ADGRA1: variants seen among roughly 807,000 people sequenced by gnomAD.
ADGRA1 encodes adhesion G protein-coupled receptor A1.
ADGRA1 carries 12 observed loss-of-function variants against 21.3 expected under a neutral mutation model. The ratio of observed to expected loss-of-function variants is 0.56; its 90% CI spans 0.36 to 0.91. The LOEUF (loss-of-function observed/expected upper bound fraction) is 0.91, where lower values mean the gene tolerates loss of function less well. ADGRA1 is among the 40% of genes least tolerant of loss of function. The pLI is 0.01. For synonymous variants in ADGRA1, 385 were observed against 368.8 expected (o/e 1.04, Z -0.50); for missense variants, 790 against 805.6 (o/e 0.98, Z 0.23).
chr10:133,088,818 T>G lies in ADGRA1; in HGVS notation c.-92T>G. 4 of 1,234,562 alleles carry G rather than the reference T, an allele frequency of 3.2e-6. No homozygotes were observed. The highest frequency in any genetic ancestry group is 4.0e-6 in the Non-Finnish European group (4 of 987,928). 76.5% of individuals were successfully genotyped at this position (1,234,562 alleles called of 1,614,324 possible). On this transcript the variant is annotated 5_prime_UTR_variant, in exon 2 of 7. It removes an upstream start codon present in the reference 5' UTR. Coordinates refer to ENST00000392607, the MANE Select transcript of ADGRA1 (RefSeq NM_001083909.3). ...TGGGACTTTGACCTTCCAGAGGCCA[T>G]GGAGGCTGGCGGGGAGCAGGGCGCC...
intron 6 of ADGRA1, 49 bp from the exon 7 acceptor site, chr10:133,128,280 A>T (rs1852420951): frequency 7.1e-7 from 1 of 1,412,232 alleles, no homozygotes; most frequent in Non-Finnish European, 9.4e-7. Context: ...GGGCGTCCTG[A>T]GTCCTGGCCG....
intron 5 of ADGRA1, among the ~76,000 whole-genome samples, chr10:133,116,509 G>C (rs1207200979): frequency 6.6e-6 from 1 of 150,442 alleles, no homozygotes; most frequent in South Asian, 2.1e-4. Flanking sequence ...CCTGGGCCCT[G>C]CCCAAACCCT....
chr10:133,105,253 G>A (rs574806844), intron 5 of ADGRA1, among the ~76,000 whole-genome samples: 6 of 152,178 alleles, frequency 3.9e-5, no homozygotes, highest in Admixed American at 2.6e-4. Context: ...ACTTCCTGCC[G>A]GACCCTCCGC....
intron 5 of ADGRA1, among the ~76,000 whole-genome samples, chr10:133,112,734 T>C (rs1315025962): frequency 1.4e-5 from 2 of 146,810 alleles, no homozygotes; most frequent in Admixed American, 6.8e-5. Flanking sequence ...CGTCGGTTAT[T>C]TGAGGTCTGC....
intron 2 of ADGRA1, 46 bp downstream of exon 2, chr10:133,088,958 C>T: frequency 1.6e-6 from 2 of 1,237,108 alleles, no homozygotes; most frequent in Non-Finnish European, 2.0e-6. Context: ...GGCTAGGCCG[C>T]TGCGGGGGGG....
Position 133,128,813 on chromosome 10 carries a change from C to T in ADGRA1, c.985C>T (p.Pro329Ser). The change falls in exon 7 of 7, where the codon CCC becomes TCC. Residue 329 changes from proline to serine, a missense_variant. This residue lies in a region of ADGRA1 where 391 missense variants were observed against 351.5 expected (regional missense o/e 1.11). Coordinates refer to ENST00000392607, the MANE Select transcript of ADGRA1 (RefSeq NM_001083909.3). ...ACCPPRKDAH[P>S]ALDANGAALG... ...CTGCCCGCCCCGCAAGGACGCCCAC[C>T]CCGCACTTGACGCCAACGGGGCCGC... 1 of 1,606,356 alleles carries T rather than the reference C, an allele frequency of 6.2e-7. No homozygotes were observed. Among genetic ancestry groups the T allele is most frequent in the Non-Finnish European group, 8.5e-7 (1 of 1,177,326 alleles).
chr10:133,127,294 A>G lies in ADGRA1; in HGVS notation c.463A>G (p.Ile155Val). 6.2e-7 allele frequency: 1 copy of G among 1,600,002 alleles called. No individual in the cohort carries two copies. Among genetic ancestry groups the G allele is most frequent in the South Asian group, 1.1e-5 (1 of 88,868 alleles). Reference protein sequence around the residue: ...IICGVTAATNIRNYGTEDEDT... With the variant: ...IICGVTAATNVRNYGTEDEDT... ...CTGTGGGGTCACGGCTGCCACGAAC[A>G]TCAGGAATTACGGGACAGAGGACGA... The change falls in exon 6 of 7, where the codon ATC becomes GTC. Residue 155 changes from isoleucine to valine, a missense_variant. Coordinates refer to ENST00000392607, the MANE Select transcript of ADGRA1 (RefSeq NM_001083909.3).
chr10:133,122,224 T>C (rs1410315475), intron 5 of ADGRA1, among the ~76,000 whole-genome samples: 1 of 152,228 alleles, frequency 6.6e-6, no homozygotes, highest in African/African-American at 2.4e-5. Flanking sequence ...CAGGACCTTT[T>C]CGCTCAGGCT....
In ADGRA1 at chr10:133,128,836, C is replaced by A. The variant is rs10776696; in HGVS notation, c.1008C>A (p.Ala336=). The change falls in exon 7 of 7, where the codon GCC becomes GCA. Residue 336 remains alanine, a synonymous_variant. Coordinates refer to ENST00000392607, the MANE Select transcript of ADGRA1 (RefSeq NM_001083909.3). ...DAHPALDANG[A]ALGRAACLHS... ...ACCCCGCACTTGACGCCAACGGGGC[C>A]GCGCTGGGCCGCGCCGCCTGCCTGC... The A allele has an allele frequency of 4.4e-6, 7 of 1,591,748 alleles. 1 individual carries two copies. In the South Asian group the frequency reaches 4.5e-5, roughly 10 times the overall value.
intron 5 of ADGRA1, among the ~76,000 whole-genome samples, chr10:133,115,785 G>A (rs989009523): frequency 3.9e-5 from 6 of 152,092 alleles, no homozygotes; most frequent in South Asian, 2.1e-4. Context: ...AGAGGGCCAC[G>A]TTCCCTTGTC....
chr10:133,110,536 T>C (rs543899084), intron 5 of ADGRA1, among the ~76,000 whole-genome samples: 2 of 152,348 alleles, frequency 1.3e-5, no homozygotes, highest in South Asian at 4.1e-4. Flanking sequence ...AACACTGAGC[T>C]GCACAGGGTC....
At chr10:133,103,140 C>T (rs1168996206) in intron 5 of ADGRA1, among the ~76,000 whole-genome samples, 1 of 152,122 alleles carries the variant, frequency 6.6e-6, no homozygotes, top group African/African-American at 2.4e-5. Context: ...GTGCCCTGCC[C>T]TCCACATCTG....
At chr10:133,093,382 C>A in intron 2 of ADGRA1, 2 of 1,196,652 alleles carry the variant, frequency 1.7e-6, no homozygotes, top group Non-Finnish European at 2.3e-6. Flanking sequence ...AAAGAGGAGA[C>A]CTCCAATTAA....
Position 133,111,934 on chromosome 10 carries a change from A to ACAG in ADGRA1, c.401+9092_401+9093insCAG, listed in dbSNP as rs1564849643. Among the ~76,000 whole-genome samples, 113 of 18,142 alleles carry ACAG rather than the reference A, an allele frequency of 6.2e-3. 35 individuals carry two copies. The highest frequency in any genetic ancestry group is 0.017 in the South Asian group (9 of 520). 11.9% of individuals were successfully genotyped at this position (18,142 alleles called of 152,430 possible). A position where few individuals can be genotyped will look rare whatever the true frequency, so the allele number is the denominator to read the frequency against. ...GCCTCCAGACCACCTGCCCGCCGTG[A>ACAG]GCACCTCCCTCCTAATCCCTCCAGA... On this transcript the variant is annotated intron_variant, in intron 5 of 6. Transcript: ENST00000392607.
rs145770364 is a variant in ADGRA1, at chr10:133,096,257, C to T, written c.4-717C>T. ...GCCTGTGCACCCCTCTGTGCTTCCC[C>T]GGTGAGCTCACCTCACTCACCTGAT... On this transcript the variant is annotated intron_variant, in intron 2 of 6. Transcript: ENST00000392607. Among the ~76,000 whole-genome samples the T allele has an allele frequency of 9.5e-4, 144 of 152,314 alleles. 1 individual carries two copies. The highest frequency in any genetic ancestry group is 3.4e-3 in the Middle Eastern group (1 of 294).
Position 133,127,302 on chromosome 10 carries a change from T to C in ADGRA1, c.471T>C (p.Asn157=). The C allele has an allele frequency of 1.3e-6, 2 of 1,599,828 alleles. No individual in the cohort carries two copies. The highest frequency in any genetic ancestry group is 1.7e-6 in the Non-Finnish European group (2 of 1,174,300). ...CGVTAATNIR[N]YGTEDEDTAY... is the part of the protein sequence containing the mutation. The stretch of plus-strand genomic sequence containing the variant: ...TCACGGCTGCCACGAACATCAGGAA[T>C]TACGGGACAGAGGACGAGGACACGG... Residue 157 remains asparagine (N), a synonymous_variant, in exon 6 of 7, where the codon AAT becomes AAC. Transcript: ENST00000392607.
chr10:133,116,100 C>T (rs1852152419), intron 5 of ADGRA1, among the ~76,000 whole-genome samples: 1 of 152,086 alleles, frequency 6.6e-6, no homozygotes, highest in African/African-American at 2.4e-5. Context: ...GCCTGGCCCA[C>T]CCACGCCGCT....
In ADGRA1 at chr10:133,113,173, TCGGTTATTTGAGGTCTGTAAGCCGC is replaced by T. The variant is rs1852093570; in HGVS notation, c.401+10332_401+10356del. On this transcript the variant is annotated intron_variant, in intron 5 of 6. Transcript: ENST00000392607. ...GGTTATTTGAGGTCTGTAAGCCGCG[TCGGTTATTTGAGGTCTGTAAGCCGC>T]GTCGGTTATTTGAGGTCTGCGGGCC... 4.0e-5 allele frequency among the ~76,000 whole-genome samples: 6 copies of T among 150,322 alleles called. No homozygotes were observed. The South Asian group carries it at 1.3e-3, about 32-fold the overall frequency.
In ADGRA1 at chr10:133,129,115, C is replaced by A. The variant is rs748413994; in HGVS notation, c.1287C>A (p.His429Gln). The A allele has an allele frequency of 1.1e-5, 17 of 1,552,998 alleles. No homozygotes were observed. The highest frequency in any genetic ancestry group is 5.5e-5 in the African/African-American group (4 of 73,276). Residue 429 changes from histidine (H) to glutamine (Q), a missense_variant, in exon 7 of 7, where the codon CAC (histidine) becomes CAA (glutamine). Around this residue, in one of 3 missense-constraint regions of ADGRA1, gnomAD observed 391 missense variants for 351.5 expected, o/e 1.11. Transcript: ENST00000392607. ...CTAAGCCGCCCTACTTTAGCCGGCA[C>A]CCAGCAGAGGAGCCCGAGTACGCCT... ...GRTKPPYFSR[H>Q]PAEEPEYAYH... is the part of the protein sequence containing the mutation.
Sources: gnomAD v4.1 joint callset for allele counts (sites outside exome capture counted in the v4.1 genomes callset) on GRCh38, gnomAD v4.1.1 for gene constraint, gnomAD v4.1.1 regional missense constraint, MANE v1.5 for transcripts, NCBI Gene and HGNC (gene_info 2026-07-23, HGNC 2026-07-21) for gene names.